MAN1A1: variants seen among roughly 807,000 people sequenced by gnomAD.
MAN1A1 encodes mannosyl-oligosaccharide 1,2-alpha-mannosidase IA.
Under a neutral mutation model 70.8 loss-of-function variants are expected in MAN1A1, and 29 were observed. The ratio of observed to expected loss-of-function variants is 0.41; its 90% confidence interval spans 0.31 to 0.56. The LOEUF (loss-of-function observed/expected upper bound fraction) is 0.56, where lower values mean the gene tolerates loss of function less well. Ranked by LOEUF, MAN1A1 falls within the 20% of genes least tolerant of loss-of-function variation. The pLI is 0.29. For missense variants in MAN1A1, 747 were observed against 841.3 expected, an observed-to-expected ratio of 0.89 and a Z score of 1.39; for synonymous variants, 349 against 330.1, an observed-to-expected ratio of 1.06 and a Z score of -0.62.
chr6:119,183,115 G>A (rs1229797742), intron 11 of MAN1A1, among the ~76,000 whole-genome samples: 1 of 152,210 alleles, frequency 6.6e-6, no homozygotes, highest in Non-Finnish European at 1.5e-5. Flanking sequence ...CTGATAATGA[G>A]GTTATTGATT....
intron 2 of MAN1A1, among the ~76,000 whole-genome samples, chr6:119,311,588 A>G (rs759015830): frequency 6.6e-6 from 1 of 152,140 alleles, no homozygotes; most frequent in Non-Finnish European, 1.5e-5. Context: ...AGAGGCAGTT[A>G]ACACACAACA....
intron 6 of MAN1A1, among the ~76,000 whole-genome samples, chr6:119,239,515 T>A (rs1227712303): frequency 6.6e-6 from 1 of 152,246 alleles, no homozygotes; most frequent in African/African-American, 2.4e-5. Context: ...GGCTGTAGCC[T>A]AAATATTTTA....
intron 6 of MAN1A1, among the ~76,000 whole-genome samples, chr6:119,208,129 G>A (rs955230819): frequency 3.3e-5 from 5 of 152,092 alleles, no homozygotes; most frequent in African/African-American, 4.8e-5. Flanking sequence ...AAGCCAAGAC[G>A]ACAAGTTGGC....
rs184727688 is a variant in MAN1A1 at position 119,334,589 on chromosome 6, T to C, written c.603+13874A>G. Reference sequence around the variant, plus strand: ...TCTAATCCTCCAGGCATAAACTACATTTAAGGAGCAGATTAAAACCACCCA... The same window carrying C: ...TCTAATCCTCCAGGCATAAACTACACTTAAGGAGCAGATTAAAACCACCCA... On this transcript the variant is annotated intron_variant, in intron 2 of 12. Coordinates refer to ENST00000368468, the MANE Select transcript of MAN1A1 (RefSeq NM_005907.4). Among the ~76,000 whole-genome samples the C allele has an allele frequency of 3.7e-4, 56 of 152,218 alleles. 1 individual carries two copies. The highest frequency in any genetic ancestry group is 1.2e-3 in the African/African-American group (50 of 41,458).
At chr6:119,277,962 A>AAAAAAAAT (rs1776121239) in intron 5 of MAN1A1, among the ~76,000 whole-genome samples, 1 of 114,678 alleles carries the variant, frequency 8.7e-6, no homozygotes, top group South Asian at 3.0e-4. Flanking sequence ...AAAAAAAGTA[A>AAAAAAAAT]AAATAAATAA....
At chr6:119,230,824 T>G (rs1243052768) in intron 6 of MAN1A1, among the ~76,000 whole-genome samples, 1 of 152,222 alleles carries the variant, frequency 6.6e-6, no homozygotes, top group African/African-American at 2.4e-5. Flanking sequence ...AGCTTTCATT[T>G]TCTTGCCTTC....
chr6:119,246,803 T>A (rs1405707078), intron 6 of MAN1A1, among the ~76,000 whole-genome samples: 1 of 152,162 alleles, frequency 6.6e-6, no homozygotes, highest in African/African-American at 2.4e-5. Flanking sequence ...CAAACCAAGC[T>A]GCTTCCAAGC....
intron 5 of MAN1A1, among the ~76,000 whole-genome samples, chr6:119,261,009 C>T (rs2093906): frequency 0.48 from 57,848 of 120,108 alleles, 13,068 homozygotes; most frequent in East Asian, 0.71. Flanking sequence ...GATGGAGTCT[C>T]GCTCTGTTGC....
At chr6:119,328,219 T>C (rs1002026311) in intron 2 of MAN1A1, among the ~76,000 whole-genome samples, 4 of 152,312 alleles carry the variant, frequency 2.6e-5, no homozygotes, top group East Asian at 1.9e-4. Flanking sequence ...TGCCACACCA[T>C]GAATTACCAA....
chr6:119,277,009 T>C (rs1230295027), intron 5 of MAN1A1, among the ~76,000 whole-genome samples: 1 of 152,238 alleles, frequency 6.6e-6, no homozygotes, highest in East Asian at 1.9e-4. Context: ...TTCCTTGTTT[T>C]TGAAGGACCT....
chr6:119,324,486 G>A (rs1166525680), intron 2 of MAN1A1, among the ~76,000 whole-genome samples: 1 of 152,106 alleles, frequency 6.6e-6, no homozygotes, highest in African/African-American at 2.4e-5. Context: ...CATTGTTCAA[G>A]GGTCACCTGT....
chr6:119,331,303 C>T (rs1158158359), intron 2 of MAN1A1, among the ~76,000 whole-genome samples: 1 of 151,930 alleles, frequency 6.6e-6, no homozygotes, highest in African/African-American at 2.4e-5. Flanking sequence ...AAAATTCATA[C>T]TGCATTTTTG....
At chr6:119,216,863 G>A (rs1465148032) in intron 6 of MAN1A1, among the ~76,000 whole-genome samples, 1 of 152,184 alleles carries the variant, frequency 6.6e-6, no homozygotes, top group African/African-American at 2.4e-5. Context: ...TGTATACTGT[G>A]TTTGCTGAAA....
chr6:119,284,577 T>C (rs1466424536), intron 5 of MAN1A1, among the ~76,000 whole-genome samples: 1 of 152,196 alleles, frequency 6.6e-6, no homozygotes, highest in Non-Finnish European at 1.5e-5. Flanking sequence ...TTCCCCTAAA[T>C]TACTGAAATA....
chr6:119,210,546 A>G (rs985762857), intron 6 of MAN1A1, among the ~76,000 whole-genome samples: 4 of 152,210 alleles, frequency 2.6e-5, no homozygotes, highest in African/African-American at 9.6e-5. Flanking sequence ...GACTAAACAG[A>G]TACATTATTT....
intron 5 of MAN1A1, among the ~76,000 whole-genome samples, chr6:119,266,052 G>C (rs78053366): frequency 7.2e-5 from 11 of 151,958 alleles, no homozygotes; most frequent in Middle Eastern, 3.4e-3. Flanking sequence ...AGATATAAAC[G>C]TAACAAAATA....
At chr6:119,225,769 T>C (rs2142890) in intron 6 of MAN1A1, among the ~76,000 whole-genome samples, 63,866 of 152,060 alleles carry the variant, frequency 0.42, 13,880 homozygotes, top group East Asian at 0.67. Flanking sequence ...TGAAAACCAA[T>C]AACCCTTCTT....
rs140283326 is a variant in MAN1A1, at chr6:119,311,136, T to C, written c.604-4144A>G. On this transcript the variant is annotated intron_variant, in intron 2 of 12. Coordinates refer to ENST00000368468, the MANE Select transcript of MAN1A1 (RefSeq NM_005907.4). ...CTCACTGGTTGTGGTGATGATTAAA[T>C]AAAACAAGGCATGTAAAGAGTTTAA... Among the ~76,000 whole-genome samples the C allele has an allele frequency of 6.6e-5, 10 of 152,296 alleles. No homozygotes were observed. The East Asian group carries it at 1.9e-3, about 29-fold the overall frequency.
chr6:119,216,995 C>A (rs1221267419), intron 6 of MAN1A1, among the ~76,000 whole-genome samples: 1 of 152,176 alleles, frequency 6.6e-6, no homozygotes, highest in Non-Finnish European at 1.5e-5. Context: ...CAATGTTGCA[C>A]ATGCATGGAT....
Sources: allele counts gnomAD v4.1 joint callset (sites outside exome capture counted in the v4.1 genomes callset), GRCh38; gene constraint gnomAD v4.1.1; transcripts MANE v1.5; gene names NCBI Gene and HGNC (gene_info 2026-07-23, HGNC 2026-07-21).